The following SEC24C variants were observed in gnomAD, a reference collection of about 807,000 sequenced individuals.
SEC24C encodes SEC24 homolog C, COPII component.
In SEC24C, 22 loss-of-function variants were observed where a neutral mutation model predicts 117.0. That is an observed-to-expected ratio of 0.19 (90% CI 0.13 to 0.27). The LOEUF (loss-of-function observed/expected upper bound fraction) is 0.27, where lower values mean the gene tolerates loss of function less well. Ranked by LOEUF, SEC24C falls within the 10% of genes least tolerant of loss-of-function variation. SEC24C has a pLI of 1.00. For synonymous variants in SEC24C, 506 were observed against 529.4 expected (o/e 0.96, Z 0.61); for missense variants, 1,155 against 1,375.1 (o/e 0.84, Z 2.53).
intron 4 of SEC24C, 81 bp from the exon 5 acceptor site, chr10:73,759,936 CT>C (rs1169385546): frequency 4.0e-6 from 6 of 1,504,616 alleles, no homozygotes; most frequent in Non-Finnish European, 8.9e-7. Flanking sequence ...ATTTGCCCCT[CT>C]TGTGTGGAAA....
rs2082596313 is a variant in SEC24C, at chr10:73,748,579, G to T, written c.172+1575G>T. ...GCCTCCCAAGTAGCTGGGATTACAG[G>T]CATGTGCCACCACACCCGGCTAATG... On this transcript the variant is annotated intron_variant, in intron 2 of 22. Transcript: ENST00000345254. Among the ~76,000 whole-genome samples, 3 of 144,788 alleles carry T rather than the reference G, an allele frequency of 2.1e-5. No homozygotes were observed. The South Asian group carries it at 6.8e-4, about 33-fold the overall frequency. The allele number at this position is 144,788 out of a possible 152,430, so 95.0% of individuals were successfully genotyped here. A position where few individuals can be genotyped will look rare whatever the true frequency, so the allele number is the denominator to read the frequency against.
chr10:73,768,781 G>T, intron 15 of SEC24C, 29 bp from the exon 16 acceptor site: 1 of 1,607,960 alleles, frequency 6.2e-7, no homozygotes, highest in South Asian at 1.1e-5. Flanking sequence ...TCTAGTCAGT[G>T]ACATGACTCT....
chr10:73,760,708 C>T lies in SEC24C; in HGVS notation c.851-5C>T. On this transcript the variant is annotated splice_polypyrimidine_tract_variant and splice_region_variant and intron_variant, in intron 5 of 22. Transcript: ENST00000345254. ...GAGTTCATCAACCTTGTGTCCTTGT[C>T]TCAGGTTCCTTCGGACCAGCCCGGG... is the stretch of plus-strand genomic sequence containing the variant. The T allele has an allele frequency of 6.3e-7, 1 of 1,586,578 alleles. No individual in the cohort carries two copies. Among genetic ancestry groups the T allele is most frequent in the Non-Finnish European group, 8.6e-7 (1 of 1,168,586 alleles).
rs2082780055 is a variant in SEC24C, at chr10:73,760,392, T to G, written c.850+6T>G. On this transcript the variant is annotated splice_donor_region_variant and intron_variant, in intron 5 of 22. Coordinates refer to ENST00000345254, the MANE Select transcript of SEC24C (RefSeq NM_198597.3). ...CTATCAGCCCCAACAAAATGGTGAG[T>G]CTTTCCCAAGGTCTGTCTTAGAAGC... The G allele has an allele frequency of 6.3e-7, 1 of 1,580,218 alleles. No individual in the cohort carries two copies. The highest frequency in any genetic ancestry group is 1.3e-5 in the African/African-American group (1 of 74,362).
intron 3 of SEC24C, among the ~76,000 whole-genome samples, chr10:73,754,265 A>G (rs532194832): frequency 2.2e-4 from 33 of 152,144 alleles, no homozygotes; most frequent in Non-Finnish European, 4.3e-4. Flanking sequence ...AAATACAAAA[A>G]TTAGCTGGGT....
At chr10:73,764,044 C>G in intron 8 of SEC24C, 61 bp downstream of exon 8, 3 of 1,516,226 alleles carry the variant, frequency 2.0e-6, no homozygotes, top group Non-Finnish European at 2.7e-6. Context: ...GGGTCTAAAG[C>G]GTCTTCCTGG....
At chr10:73,763,355 A>G (rs2082826214) in intron 6 of SEC24C, 135 bp from the exon 7 acceptor site, 14 of 531,728 alleles carry the variant, frequency 2.6e-5, no homozygotes, top group Non-Finnish European at 4.1e-5. Flanking sequence ...GAAGGAGAAC[A>G]GGCCTGGTGT....
chr10:73,753,905 C>CG (rs374786194), intron 3 of SEC24C, among the ~76,000 whole-genome samples: 33 of 152,252 alleles, frequency 2.2e-4, no homozygotes, highest in African/African-American at 7.2e-4. Context: ...TGCCCCAGGA[C>CG]GGCTTTGAAT....
chr10:73,766,096 TC>T lies in SEC24C; in HGVS notation c.1497del (p.Ser500AlafsTer8). 1 of 1,612,910 alleles carries T rather than the reference TC, an allele frequency of 6.2e-7. No homozygotes were observed. ...TTTCTTCCTCTGCAGAACAATAAGT[TC>T]CCCAGCCCTCCTGCCTTTATCTTCA... is the stretch of plus-strand genomic sequence containing the variant. ...ATVDYCKNNK[F>X]PSPPAFIFMI... On this transcript the variant is annotated frameshift_variant, in exon 11 of 23. Transcript: ENST00000345254. LOFTEE classifies it high-confidence loss of function.
chr10:73,762,093 A>G (rs1265466050), intron 6 of SEC24C: 1 of 1,289,434 alleles, frequency 7.8e-7, no homozygotes, highest in East Asian at 5.5e-5. Flanking sequence ...TTAAAACACT[A>G]AAAGCAACTC....
rs772709519 is a variant in SEC24C, at chr10:73,768,859, A to T, written c.2231A>T (p.Gln744Leu). 2 of 1,614,148 alleles carry T rather than the reference A, an allele frequency of 1.2e-6. No homozygotes were observed. Among genetic ancestry groups the T allele is most frequent in the Non-Finnish European group, 8.5e-7 (1 of 1,180,042 alleles). Residue 744 changes from glutamine to leucine, a missense_variant, in exon 16 of 23, where the codon CAG (glutamine) becomes CTG (leucine). Transcript: ENST00000345254. ...RFLSDLRRDV[Q>L]KVVGFDAVMR... ...CTGAGTGACCTGCGTCGTGATGTCC[A>T]GAAGGTTGTTGGCTTTGATGCTGTG...
chr10:73,762,035 C>T (rs1349968999), intron 6 of SEC24C: 5 of 1,135,946 alleles, frequency 4.4e-6, no homozygotes, highest in Admixed American at 2.3e-5. Flanking sequence ...TAACATCTGC[C>T]TCTTGTTCTT....
chr10:73,747,236 A>G (rs988182268), intron 2 of SEC24C, among the ~76,000 whole-genome samples: 36 of 152,160 alleles, frequency 2.4e-4, no homozygotes, highest in African/African-American at 8.0e-4. Context: ...ATGCTGGATT[A>G]CAGTGGCATG....
At chr10:73,755,065 G>A (rs978102632) in intron 3 of SEC24C, among the ~76,000 whole-genome samples, 3 of 151,808 alleles carry the variant, frequency 2.0e-5, no homozygotes, top group Non-Finnish European at 2.9e-5. Context: ...ACCAAGAGGC[G>A]GAGGTTGCAG....
rs183466916 is a variant in SEC24C at position 73,771,243 on chromosome 10, G to A, written c.*148G>A. On this transcript the variant is annotated 3_prime_UTR_variant, in exon 23 of 23. Transcript: ENST00000345254. The stretch of plus-strand genomic sequence containing the variant: ...AGATATAAGGAGACACCTTCTTTCT[G>A]GGCTCAAGTATCCTGCCACTCTGTC... 423 of 864,314 alleles carry A rather than the reference G, an allele frequency of 4.9e-4. 1 individual carries two copies. In the Admixed American group the frequency reaches 0.011, roughly 23 times the overall value. 53.5% of individuals were successfully genotyped at this position (864,314 alleles called of 1,614,324 possible). A position where few individuals can be genotyped will look rare whatever the true frequency, so the allele number is the denominator to read the frequency against.
At chr10:73,754,711 C>T (rs1042799630) in intron 3 of SEC24C, among the ~76,000 whole-genome samples, 1 of 152,090 alleles carries the variant, frequency 6.6e-6, no homozygotes, top group African/African-American at 2.4e-5. Flanking sequence ...AGTCCTCAGT[C>T]TATAGATATT....
At position 73,765,502 on chromosome 10, in the gene SEC24C, C is replaced by T. The variant is rs538046549; in HGVS notation, c.1279C>T (p.Arg427Cys). 3.7e-6 allele frequency: 6 copies of T among 1,614,098 alleles called. No homozygotes were observed. Among genetic ancestry groups the T allele is most frequent in the African/African-American group, 2.7e-5 (2 of 75,044 alleles). The change falls in exon 9 of 23, where the codon CGC becomes TGC. Residue 427 changes from arginine to cysteine, a missense_variant. Around this residue, in one of 2 missense-constraint regions of SEC24C, gnomAD observed 759 missense variants for 992.3 expected, o/e 0.76. Transcript: ENST00000345254. ...GGAATCTGGCCCTTTGCGCTGCAAC[C>T]GCTGCAAAGCATACATGTGTCCCTT... ...HGESGPLRCN[R>C]CKAYMCPFMQ...
Position 73,766,363 on chromosome 10 carries a change from G to C in SEC24C, c.1621G>C (p.Glu541Gln). ...LDFLPREGGAEESAIRVGFVT... is the reference protein window; with the variant it reads ...LDFLPREGGAQESAIRVGFVT... Reference sequence around the variant, plus strand: ...CACCTTCTACAGGGAGGGTGGGGCAGAAGAGTCAGCAATCCGCGTTGGCTT... The same window carrying C: ...CACCTTCTACAGGGAGGGTGGGGCACAAGAGTCAGCAATCCGCGTTGGCTT... The change falls in exon 12 of 23, where the codon GAA becomes CAA. Residue 541 changes from glutamate to glutamine, a missense_variant. By Grantham distance (29) the Glu-to-Gln change is conservative. Transcript: ENST00000345254. 1 of 1,606,306 alleles carries C rather than the reference G, an allele frequency of 6.2e-7. No individual in the cohort carries two copies.
In SEC24C at chr10:73,771,213, G is replaced by A. The variant is rs2082977603; in HGVS notation, c.*118G>A. On this transcript the variant is annotated 3_prime_UTR_variant, in exon 23 of 23. Transcript: ENST00000345254. Reference sequence around the variant, plus strand: ...GCTGACCTCAGTCTCTCTGGGGGGAGGGGGAGATATAAGGAGACACCTTCT... The same window carrying A: ...GCTGACCTCAGTCTCTCTGGGGGGAAGGGGAGATATAAGGAGACACCTTCT... 9.0e-6 allele frequency: 11 copies of A among 1,216,794 alleles called. No individual in the cohort carries two copies. The highest frequency in any genetic ancestry group is 3.0e-5 in the African/African-American group (2 of 65,840). The allele number at this position is 1,216,794 out of a possible 1,614,324, so 75.4% of individuals were successfully genotyped here.
Sources: allele counts gnomAD v4.1 joint callset (sites outside exome capture counted in the v4.1 genomes callset), GRCh38; gene constraint gnomAD v4.1.1; regional missense constraint gnomAD v4.1.1; transcripts MANE v1.5; gene names NCBI Gene and HGNC (gene_info 2026-07-23, HGNC 2026-07-21).